MTBP: variants seen among roughly 807,000 people sequenced by gnomAD.
MTBP encodes the protein mdm2-binding protein.
Under a neutral mutation model 117.0 loss-of-function variants are expected in MTBP, and 101 were observed. The ratio of observed to expected loss-of-function variants is 0.86; its 90% CI spans 0.73 to 1.02. The LOEUF is 1.02. Among genes scored for constraint, MTBP ranks in the 50% least tolerant of loss-of-function variants. The pLI is 0.00. For missense variants in MTBP, 970 were observed against 1,030.9 expected (o/e 0.94, Z 0.81); for synonymous variants, 350 against 351.5 (o/e 1.00, Z 0.05).
At chr8:120,463,612 A>AT in intron 9 of MTBP, 80 bp from the exon 10 acceptor site, 1 of 1,170,970 alleles carries the variant, frequency 8.5e-7, no homozygotes. Context: ...CTGTGGAAGA[A>AT]TTGAAATAAT....
At chr8:120,474,136 A>G (rs1813884049) in intron 11 of MTBP, among the ~76,000 whole-genome samples, 1 of 151,988 alleles carries the variant, frequency 6.6e-6, no homozygotes, top group Admixed American at 6.6e-5. Context: ...TCCTCTTGAA[A>G]TCTGAGCATT....
Position 120,480,216 on chromosome 8 carries a change from T to A in MTBP, c.1166-7943T>A, listed in dbSNP as rs183854371. Among the ~76,000 whole-genome samples the A allele has an allele frequency of 7.0e-4, 99 of 140,722 alleles. 2 individuals are homozygous for A. The East Asian group carries it at 0.02, about 28-fold the overall frequency. The allele number at this position is 140,722 out of a possible 152,430, so 92.3% of individuals were successfully genotyped here. A position where few individuals can be genotyped will look rare whatever the true frequency, so the allele number is the denominator to read the frequency against. On this transcript the variant is annotated intron_variant, in intron 11 of 21. Coordinates refer to ENST00000305949, the MANE Select transcript of MTBP (RefSeq NM_022045.5). ...GAGTTCAAGACCAGCCTGGCCAACA[T>A]GGCGAAACCCCGTCTCTACAAAAAA...
intron 15 of MTBP, among the ~76,000 whole-genome samples, chr8:120,503,662 A>C (rs1208076788): frequency 1.3e-5 from 2 of 152,142 alleles, no homozygotes; most frequent in Non-Finnish European, 2.9e-5. Context: ...ATGATTTTGC[A>C]AAAATTTTGC....
chr8:120,459,159 A>T, intron 7 of MTBP, 56 bp from the exon 8 acceptor site: 1 of 1,445,748 alleles, frequency 6.9e-7, no homozygotes, highest in Non-Finnish European at 9.5e-7. Context: ...AGATGTATTA[A>T]TCTTTATAGC....
chr8:120,500,182 AT>A (rs570514349), intron 14 of MTBP, among the ~76,000 whole-genome samples: 6 of 149,200 alleles, frequency 4.0e-5, no homozygotes, highest in Non-Finnish European at 6.0e-5. Context: ...CTGTAAAATG[AT>A]TTTTTTTTTA....
At chr8:120,470,482 T>C (rs1158428754) in intron 10 of MTBP, among the ~76,000 whole-genome samples, 2 of 152,230 alleles carry the variant, frequency 1.3e-5, no homozygotes. Context: ...AGCCTTACAC[T>C]GTTTTGTATA....
chr8:120,463,837 A>G lies in MTBP; in HGVS notation c.1047+76A>G. On this transcript the variant is annotated intron_variant, in intron 10 of 21. Transcript: ENST00000305949. ...ATTTAAGGATGTGTAAGAAAAGGGAATGTAACTTATTAATCTGTTTGCTTG... is the reference window on the plus strand; with the variant it reads ...ATTTAAGGATGTGTAAGAAAAGGGAGTGTAACTTATTAATCTGTTTGCTTG... 4 of 1,336,968 alleles carry G rather than the reference A, an allele frequency of 3.0e-6. 1 individual carries two copies. The highest frequency in any genetic ancestry group is 2.6e-5 in the South Asian group (2 of 76,076). The allele number at this position is 1,336,968 out of a possible 1,614,324, so 82.8% of individuals were successfully genotyped here.
chr8:120,472,775 G>C (rs143871753), intron 11 of MTBP: 170 of 152,256 alleles, frequency 1.1e-3, no homozygotes, highest in African/African-American at 3.9e-3. Flanking sequence ...TTTAGAGCTA[G>C]TTACAAGAAT....
At chr8:120,468,600 G>C (rs1813748951) in intron 10 of MTBP, among the ~76,000 whole-genome samples, 1 of 152,162 alleles carries the variant, frequency 6.6e-6, no homozygotes, top group South Asian at 2.1e-4. Flanking sequence ...TTGTAGCCCA[G>C]TTCATTCAAC....
At chr8:120,501,274 A>G (rs1814581317) in intron 14 of MTBP, among the ~76,000 whole-genome samples, 1 of 151,854 alleles carries the variant, frequency 6.6e-6, no homozygotes. Context: ...AGCCAGGAGA[A>G]TGGCGTGAAC....
In MTBP at chr8:120,470,851, T is replaced by G; in HGVS notation, c.1079T>G (p.Ile360Ser). ...GCTCTTTTTGTATTGCCATGTACCATTAGTAACATACTGATTCCACCTCCC... is the reference window on the plus strand; with the variant it reads ...GCTCTTTTTGTATTGCCATGTACCAGTAGTAACATACTGATTCCACCTCCC... ...VGALFVLPCT[I>S]SNILIPPPNQ... The change falls in exon 11 of 22, where the codon ATT becomes AGT. Residue 360 changes from isoleucine (I) to serine (S), a missense_variant. Physicochemically the swap from Ile to Ser is moderately radical, Grantham distance 142. Transcript: ENST00000305949. 1 of 1,611,350 alleles carries G rather than the reference T, an allele frequency of 6.2e-7. No individual in the cohort carries two copies. The highest frequency in any genetic ancestry group is 2.2e-5 in the East Asian group (1 of 44,754).
Position 120,488,205 on chromosome 8 carries a change from G to GT in MTBP, c.1214dup (p.Leu405PhefsTer4). ...GAGAGTGTTCTAGCTATTATCTCTT[G>GT]TTACAAGGTAATGGCAATAGAAGAT... On this transcript the variant is annotated frameshift_variant, in exon 12 of 22. Coordinates refer to ENST00000305949, the MANE Select transcript of MTBP (RefSeq NM_022045.5). LOFTEE classifies it high-confidence loss of function. 1 of 1,593,774 alleles carries GT rather than the reference G, an allele frequency of 6.3e-7. No homozygotes were observed.
At chr8:120,507,034 C>T (rs1274888789) in intron 16 of MTBP, among the ~76,000 whole-genome samples, 173 bp downstream of exon 16, 12 of 152,010 alleles carry the variant, frequency 7.9e-5, no homozygotes, top group Admixed American at 7.9e-4. Context: ...ATCAAAATAT[C>T]CTACTGTTTT....
intron 9 of MTBP, among the ~76,000 whole-genome samples, 178 bp downstream of exon 9, chr8:120,461,433 G>C (rs1813581681): frequency 6.6e-6 from 1 of 152,082 alleles, no homozygotes; most frequent in Non-Finnish European, 1.5e-5. Context: ...GGGGAAGGAA[G>C]TTCTTGCTTT....
At chr8:120,450,436 G>A (rs531204267) in intron 2 of MTBP, among the ~76,000 whole-genome samples, 2 of 152,204 alleles carry the variant, frequency 1.3e-5, no homozygotes, top group African/African-American at 4.8e-5. Flanking sequence ...TTCCTGTTTT[G>A]AGTCTAATTT....
Position 120,453,879 on chromosome 8 carries a change from A to G in MTBP, c.458A>G (p.Gln153Arg). The change falls in exon 5 of 22, where the codon CAG (glutamine) becomes CGG (arginine). Residue 153 changes from glutamine (Q) to arginine (R), a missense_variant. Coordinates refer to ENST00000305949, the MANE Select transcript of MTBP (RefSeq NM_022045.5). ...LYEEAAENLH[Q>R]LSDKLPAPGR... ...GAAGAAGCTGCAGAAAATTTGCATC[A>G]GCTGTCAGACAAGCTTCCTGCTCCT... 1 of 1,584,602 alleles carries G rather than the reference A, an allele frequency of 6.3e-7. No individual in the cohort carries two copies.
intron 11 of MTBP, among the ~76,000 whole-genome samples, chr8:120,483,623 G>C (rs1293193549): frequency 2.6e-5 from 4 of 152,020 alleles, no homozygotes; most frequent in African/African-American, 9.7e-5. Context: ...TGTTATATAA[G>C]AATTTTTTTT....
intron 9 of MTBP, among the ~76,000 whole-genome samples, chr8:120,462,153 C>A (rs1407698140): frequency 6.6e-6 from 1 of 152,084 alleles, no homozygotes; most frequent in Non-Finnish European, 1.5e-5. Flanking sequence ...GGGTTAAATT[C>A]TATCCTAAAG....
At chr8:120,448,973 T>C (rs1193473754) in intron 2 of MTBP, among the ~76,000 whole-genome samples, 1 of 152,180 alleles carries the variant, frequency 6.6e-6, no homozygotes, top group Non-Finnish European at 1.5e-5. Flanking sequence ...TTTTTCCTAA[T>C]GGTAATCAGC....
Sources: gnomAD v4.1 joint callset for allele counts (sites outside exome capture counted in the v4.1 genomes callset) on GRCh38, gnomAD v4.1.1 for gene constraint, MANE v1.5 for transcripts, NCBI Gene and HGNC (gene_info 2026-07-23, HGNC 2026-07-21) for gene names.